The following XKR6 variants were observed in gnomAD, a reference collection of about 807,000 sequenced individuals.
The protein encoded by XKR6 is XK-related protein 6.
XKR6 carries 22 observed loss-of-function variants against 56.7 expected under a neutral mutation model. That is an observed-to-expected ratio of 0.39 (90% CI 0.28 to 0.55). The LOEUF (loss-of-function observed/expected upper bound fraction) is 0.55, where lower values mean the gene tolerates loss of function less well. Ranked by LOEUF, XKR6 falls within the 20% of genes least tolerant of loss-of-function variation. The pLI, the probability that XKR6 is intolerant of heterozygous loss-of-function variation, is 0.66. For missense variants in XKR6, 852 were observed against 889.0 expected, an observed-to-expected ratio of 0.96 and a Z score of 0.53; for synonymous variants, 524 against 387.8, an observed-to-expected ratio of 1.35 and a Z score of -4.13.
intron 1 of XKR6, among the ~76,000 whole-genome samples, chr8:11,048,898 C>T (rs535355445): frequency 9.3e-4 from 142 of 152,334 alleles, no homozygotes; most frequent in Non-Finnish European, 1.6e-3. Flanking sequence ...TCGCTCCAGC[C>T]GGCCCCGCCT....
intron 1 of XKR6, among the ~76,000 whole-genome samples, chr8:11,127,898 A>G (rs1201166218): frequency 1.3e-5 from 2 of 152,230 alleles, no homozygotes; most frequent in African/African-American, 4.8e-5. Context: ...ATGAAGCAAT[A>G]CGATTTTATC....
In XKR6 at chr8:10,897,830, G is replaced by C. The variant is rs902425699; in HGVS notation, c.*122C>G. On this transcript the variant is annotated 3_prime_UTR_variant, in exon 3 of 3. Transcript: ENST00000416569. Reference sequence around the variant, plus strand: ...TTTTTGTAGTGGTGGTGTTGGTGTGGCGGTGTTGGTGGTGGTGGCGGTGGT... The same window carrying C: ...TTTTTGTAGTGGTGGTGTTGGTGTGCCGGTGTTGGTGGTGGTGGCGGTGGT... The C allele has an allele frequency of 1.2e-5, 15 of 1,243,754 alleles. No individual in the cohort carries two copies. The highest frequency in any genetic ancestry group is 1.6e-5 in the Non-Finnish European group (15 of 920,784). The allele number at this position is 1,243,754 out of a possible 1,614,324, so 77.0% of individuals were successfully genotyped here.
At chr8:11,167,276 G>A (rs60088021) in intron 1 of XKR6, among the ~76,000 whole-genome samples, 8,541 of 152,248 alleles carry the variant, frequency 0.056, 534 homozygotes, top group African/African-American at 0.16. Flanking sequence ...AAAGCTTTAC[G>A]GCATTCTTAT....
At chr8:10,916,063 G>C (rs554649173) in intron 2 of XKR6, among the ~76,000 whole-genome samples, 1 of 152,336 alleles carries the variant, frequency 6.6e-6, no homozygotes, top group East Asian at 1.9e-4. Context: ...GGAGACACCT[G>C]ACCCCAAGAT....
At chr8:11,012,751 C>A (rs563565650) in intron 1 of XKR6, among the ~76,000 whole-genome samples, 39 of 152,230 alleles carry the variant, frequency 2.6e-4, no homozygotes, top group Non-Finnish European at 4.6e-4. Flanking sequence ...CGATGTAACA[C>A]ATCCAGAAGT....
At position 11,044,524 on chromosome 8, in the gene XKR6, T is replaced by G. The variant is rs558851120; in HGVS notation, c.765-119694A>C. On this transcript the variant is annotated intron_variant, in intron 1 of 2. Coordinates refer to ENST00000416569, the MANE Select transcript of XKR6 (RefSeq NM_173683.4). ...AGCTGACACACCTGGGGCCCTTCCA[T>G]CGCCAAGGTCAGCATGAAGTGTACT... Among the ~76,000 whole-genome samples the G allele has an allele frequency of 7.4e-4, 112 of 152,288 alleles. 1 individual carries two copies. In the South Asian group the frequency reaches 0.014, roughly 19 times the overall value.
intron 1 of XKR6, among the ~76,000 whole-genome samples, chr8:11,133,026 T>C (rs1800190163): frequency 6.6e-6 from 1 of 152,092 alleles, no homozygotes; most frequent in Admixed American, 6.5e-5. Flanking sequence ...CAAAAAGTAA[T>C]TCATTTGACA....
At chr8:11,177,748 G>A (rs975813659) in intron 1 of XKR6, among the ~76,000 whole-genome samples, 26 of 152,242 alleles carry the variant, frequency 1.7e-4, no homozygotes, top group African/African-American at 5.8e-4. Context: ...GAAGGGGCAT[G>A]GAATGGTCCT....
intron 1 of XKR6, among the ~76,000 whole-genome samples, chr8:11,168,882 T>C (rs867685082): frequency 1.3e-5 from 2 of 152,146 alleles, no homozygotes; most frequent in Admixed American, 6.5e-5. Flanking sequence ...TTCCAGGAAA[T>C]AGTCTCTTTT....
Position 10,898,399 on chromosome 8 carries a change from T to C in XKR6, c.1479A>G (p.Leu493=). 1 of 1,613,946 alleles carries C rather than the reference T, an allele frequency of 6.2e-7. No homozygotes were observed. The stretch of plus-strand genomic sequence containing the variant: ...CTGTGGGATGCAGCACGCCATAGTA[T>C]AAGAGCATCATTGCGATCCCAGCCA... ...SFVAGIAMML[L]YYGVLHPTGP... The change falls in exon 3 of 3, where the codon TTA becomes TTG. Residue 493 remains leucine, a synonymous_variant. Transcript: ENST00000416569. This position sits in a 1 kb window ranked among gnomAD's most constrained non-coding sequence, Gnocchi z 6.6.
intron 1 of XKR6, among the ~76,000 whole-genome samples, chr8:11,012,544 C>T (rs1363572072): frequency 6.6e-6 from 1 of 152,116 alleles, no homozygotes; most frequent in Non-Finnish European, 1.5e-5. Flanking sequence ...GGCTACATCC[C>T]TAGTCTACCC....
At chr8:10,904,974 C>G (rs1375688353) in intron 2 of XKR6, among the ~76,000 whole-genome samples, 4 of 152,198 alleles carry the variant, frequency 2.6e-5, no homozygotes, top group African/African-American at 4.8e-5. Context: ...GATGAGGGAC[C>G]TAAGCATGAG....
chr8:11,132,487 G>A (rs1486379068), intron 1 of XKR6, among the ~76,000 whole-genome samples: 10 of 151,558 alleles, frequency 6.6e-5, no homozygotes, highest in South Asian at 2.1e-4. Flanking sequence ...TCAGCCTCCC[G>A]AGTAGCTGGG....
chr8:11,146,030 T>C (rs917516658), intron 1 of XKR6, among the ~76,000 whole-genome samples: 2 of 151,628 alleles, frequency 1.3e-5, no homozygotes, highest in Non-Finnish European at 2.9e-5. Context: ...AGCTCGGAAA[T>C]ACATATTTAT....
intron 1 of XKR6, among the ~76,000 whole-genome samples, chr8:11,090,523 T>C (rs1320006729): frequency 6.6e-6 from 1 of 152,194 alleles, no homozygotes; most frequent in East Asian, 1.9e-4. Flanking sequence ...CCAGTTTACA[T>C]ATTCAGCAGC....
intron 1 of XKR6, among the ~76,000 whole-genome samples, chr8:11,190,040 C>T (rs952057252): frequency 6.6e-6 from 1 of 151,948 alleles, no homozygotes; most frequent in African/African-American, 2.4e-5. Context: ...GCCTGTAATC[C>T]CAGCTACGTG....
intron 1 of XKR6, among the ~76,000 whole-genome samples, chr8:11,039,020 A>T (rs1007622830): frequency 1.3e-5 from 2 of 151,986 alleles, no homozygotes; most frequent in Admixed American, 1.3e-4. Flanking sequence ...GGGCACTGAG[A>T]CCCTGCCACT....
At chr8:10,932,318 T>C (rs1801074394) in intron 1 of XKR6, among the ~76,000 whole-genome samples, 1 of 152,178 alleles carries the variant, frequency 6.6e-6, no homozygotes, top group African/African-American at 2.4e-5. Context: ...AAGTTAAACA[T>C]ACTCTCCACA....
At chr8:10,928,669 C>T (rs1180745801) in intron 1 of XKR6, among the ~76,000 whole-genome samples, 2 of 152,214 alleles carry the variant, frequency 1.3e-5, no homozygotes, top group Non-Finnish European at 2.9e-5. Flanking sequence ...TCTCATCCCA[C>T]AGGCCCGCGC....
Sources: allele counts gnomAD v4.1 joint callset (sites outside exome capture counted in the v4.1 genomes callset), GRCh38; gene constraint gnomAD v4.1.1; non-coding constraint Gnocchi (gnomAD v3.1); transcripts MANE v1.5; gene names NCBI Gene and HGNC (gene_info 2026-07-23, HGNC 2026-07-21).